The following CDH18 variants were observed in gnomAD, a reference collection of about 807,000 sequenced individuals.
CDH18 encodes cadherin-18.
In CDH18, 31 loss-of-function variants were observed where a neutral mutation model predicts 67.9. That is an observed-to-expected ratio of 0.46 (90% CI 0.34 to 0.62). CDH18 has a LOEUF of 0.62. CDH18 is among the 20% of genes least tolerant of loss of function. The probability of loss-of-function intolerance (pLI) is 0.01; values close to 1 mark genes in which losing one functional copy is unlikely to be tolerated. For synonymous variants in CDH18, 362 were observed against 347.2 expected (o/e 1.04, Z -0.48); for missense variants, 890 against 975.5 (o/e 0.91, Z 1.17).
At chr5:20,508,335 A>ATATT (rs1754783716) in intron 1 of CDH18, among the ~76,000 whole-genome samples, 2 of 31,004 alleles carry the variant, frequency 6.5e-5, no homozygotes, top group Admixed American at 6.7e-4. Context: ...ATATATATAT[A>ATATT]TATATATATA....
intron 2 of CDH18, among the ~76,000 whole-genome samples, chr5:20,194,222 C>A (rs1301938104): frequency 6.6e-6 from 1 of 152,082 alleles, no homozygotes; most frequent in Non-Finnish European, 1.5e-5. Context: ...AAAACCCCAT[C>A]ATCTCAGCCC....
intron 8 of CDH18, among the ~76,000 whole-genome samples, chr5:19,552,881 T>C (rs2127153416): frequency 6.6e-6 from 1 of 152,312 alleles, no homozygotes; most frequent in Middle Eastern, 3.4e-3. Context: ...ATTTTTTATT[T>C]CTACACCACT....
intron 10 of CDH18, among the ~76,000 whole-genome samples, chr5:19,506,491 C>G (rs1289532078): frequency 6.6e-6 from 1 of 152,152 alleles, no homozygotes; most frequent in Admixed American, 6.5e-5. Context: ...AGGCATCATG[C>G]TACCTGACTT....
intron 5 of CDH18, among the ~76,000 whole-genome samples, chr5:19,614,401 G>C (rs1445421956): frequency 4.6e-5 from 7 of 150,850 alleles, no homozygotes; most frequent in African/African-American, 1.2e-4. Flanking sequence ...TATAATAAAT[G>C]ATTCATCTAA....
chr5:19,573,174 T>A (rs77888160), intron 7 of CDH18, among the ~76,000 whole-genome samples: 2,705 of 152,292 alleles, frequency 0.018, 85 homozygotes, highest in African/African-American at 0.062. Flanking sequence ...ACATTATGAA[T>A]TTCAGATTAT....
rs1407388885 is a variant in CDH18 at position 20,398,206 on chromosome 5, A to G, written c.-579-142701T>C. Among the ~76,000 whole-genome samples, 4 of 152,152 alleles carry G rather than the reference A, an allele frequency of 2.6e-5. No homozygotes were observed. The East Asian group carries it at 7.7e-4, about 29-fold the overall frequency. ...TATTAAGTGTGTGGTATTTTAAATT[A>G]TTATGTTTTCTAAAATGTTACTCTC... is the stretch of plus-strand genomic sequence containing the variant. On this transcript the variant is annotated intron_variant, in intron 1 of 14. Coordinates refer to the CDH18 transcript ENST00000507958.
intron 2 of CDH18, among the ~76,000 whole-genome samples, chr5:20,137,516 A>G (rs1338684055): frequency 6.6e-6 from 1 of 151,868 alleles, no homozygotes; most frequent in Non-Finnish European, 1.5e-5. Context: ...GCTGCTTTGT[A>G]ATGGGTTCGA....
chr5:19,999,558 C>T (rs548227826), intron 2 of CDH18, among the ~76,000 whole-genome samples: 18 of 152,218 alleles, frequency 1.2e-4, no homozygotes, highest in South Asian at 6.2e-4. Context: ...GTTGAGATTG[C>T]GCCATTGCGC....
intron 2 of CDH18, among the ~76,000 whole-genome samples, chr5:20,085,859 G>A (rs913103431): frequency 2.6e-5 from 4 of 152,134 alleles, no homozygotes; most frequent in African/African-American, 9.7e-5. Context: ...GATTTGGGTG[G>A]AGACACAGCC....
chr5:19,852,198 G>C (rs1278304436), intron 2 of CDH18, among the ~76,000 whole-genome samples: 1 of 151,992 alleles, frequency 6.6e-6, no homozygotes, highest in East Asian at 1.9e-4. Flanking sequence ...TTCTGTTTCA[G>C]TTTTGGTTCA....
At chr5:20,255,587 T>C (rs1340864029) in intron 1 of CDH18, 1 of 151,924 alleles carries the variant, frequency 6.6e-6, no homozygotes, top group African/African-American at 2.4e-5. Flanking sequence ...TATTATGTCA[T>C]ACATTAAACA....
At chr5:20,090,856 C>T (rs1745356676) in intron 2 of CDH18, among the ~76,000 whole-genome samples, 1 of 151,490 alleles carries the variant, frequency 6.6e-6, no homozygotes, top group South Asian at 2.1e-4. Context: ...ATGGTGAAAC[C>T]CCAGATTTAC....
At chr5:20,199,543 G>A (rs865823311) in intron 2 of CDH18, among the ~76,000 whole-genome samples, 32 of 152,240 alleles carry the variant, frequency 2.1e-4, no homozygotes, top group African/African-American at 7.2e-4. Flanking sequence ...AAAGGGACTT[G>A]CTTTGCCTCA....
intron 1 of CDH18, among the ~76,000 whole-genome samples, chr5:20,425,208 A>T (rs906310381): frequency 6.6e-6 from 1 of 150,676 alleles, no homozygotes; most frequent in Non-Finnish European, 1.5e-5. Flanking sequence ...TCTACTAAAG[A>T]TACAAAAAAT....
Position 20,172,221 on chromosome 5 carries a change from T to TATACACAC in CDH18, c.-518+83222_-518+83223insGTGTGTAT, listed in dbSNP as rs1554098770. Among the ~76,000 whole-genome samples the TATACACAC allele has an allele frequency of 6.0e-4, 47 of 78,326 alleles. 2 individuals carry two copies. The highest frequency in any genetic ancestry group is 2.6e-3 in the African/African-American group (46 of 17,932). The allele number at this position is 78,326 out of a possible 152,430, so 51.4% of individuals were successfully genotyped here. On this transcript the variant is annotated intron_variant, in intron 2 of 14. Transcript: ENST00000507958. ...ATATATATATATATATATATATATA[T>TATACACAC]ATGTATATATATATATATGTATATA...
At chr5:19,680,744 A>T in intron 5 of CDH18, among the ~76,000 whole-genome samples, 1 of 152,004 alleles carries the variant, frequency 6.6e-6, no homozygotes. Context: ...CAGAATAAAA[A>T]AATTACAAAG....
At chr5:19,492,552 C>T (rs1162272960) in intron 11 of CDH18, among the ~76,000 whole-genome samples, 1 of 152,016 alleles carries the variant, frequency 6.6e-6, no homozygotes, top group Non-Finnish European at 1.5e-5. Flanking sequence ...AAAAAAACTA[C>T]ATTTTAATCA....
At chr5:19,999,688 T>C (rs886606339) in intron 2 of CDH18, among the ~76,000 whole-genome samples, 5 of 152,192 alleles carry the variant, frequency 3.3e-5, no homozygotes, top group African/African-American at 1.2e-4. Context: ...CAGGACTAGC[T>C]ACATAATTGG....
chr5:19,822,972 G>T (rs541319581), intron 3 of CDH18, among the ~76,000 whole-genome samples: 2 of 152,254 alleles, frequency 1.3e-5, no homozygotes, highest in Admixed American at 1.3e-4. Context: ...CCCACCCTCA[G>T]GGACGCATTC....
Sources: gnomAD v4.1 joint callset for allele counts (sites outside exome capture counted in the v4.1 genomes callset) on GRCh38, gnomAD v4.1.1 for gene constraint, MANE v1.5 for transcripts, NCBI Gene and HGNC (gene_info 2026-07-23, HGNC 2026-07-21) for gene names.